Variants in PTK2B observed in about 807,000 individuals in gnomAD.
PTK2B encodes the protein protein-tyrosine kinase 2-beta.
PTK2B carries 71 observed loss-of-function variants against 142.9 expected under a neutral mutation model. The ratio of observed to expected loss-of-function variants is 0.50; its 90% confidence interval spans 0.41 to 0.61. The LOEUF is 0.61. Ranked by LOEUF, PTK2B falls within the 20% of genes least tolerant of loss-of-function variation. The pLI is 0.00. For synonymous variants in PTK2B, 519 were observed against 503.4 expected, an observed-to-expected ratio of 1.03 and a Z score of -0.42; for missense variants, 1,105 against 1,320.4, an observed-to-expected ratio of 0.84 and a Z score of 2.53.
chr8:27,336,715 G>A (rs1804086624), intron 1 of PTK2B, among the ~76,000 whole-genome samples: 1 of 152,200 alleles, frequency 6.6e-6, no homozygotes, highest in Admixed American at 6.5e-5. Context: ...TCTGACATCA[G>A]TGTCCTTCTT....
intron 27 of PTK2B, 184 bp downstream of exon 27, chr8:27,451,693 C>A (rs1195860047): frequency 4.1e-5 from 60 of 1,453,662 alleles, no homozygotes; most frequent in Non-Finnish European, 5.3e-5. Flanking sequence ...CACCCCATTC[C>A]TCTCCCTGCC....
intron 1 of PTK2B, among the ~76,000 whole-genome samples, chr8:27,386,005 T>C (rs1807330520): frequency 6.6e-6 from 1 of 152,132 alleles, no homozygotes; most frequent in Non-Finnish European, 1.5e-5. Context: ...CTAAAATATA[T>C]TTAACCAAAA....
intron 3 of PTK2B, among the ~76,000 whole-genome samples, chr8:27,315,020 C>T (rs1044682940): frequency 1.3e-5 from 2 of 152,216 alleles, no homozygotes; most frequent in African/African-American, 2.4e-5. Context: ...GCAAAGGAGA[C>T]GTTTTCCCTT....
upstream of PTK2B, chr8:27,311,412 G>A (rs961209824): frequency 1.3e-6 from 1 of 767,990 alleles, no homozygotes; most frequent in Non-Finnish European, 2.0e-6. Context: ...GGGAGGGGGC[G>A]CTCGGAGGAG....
intron 2 of PTK2B, among the ~76,000 whole-genome samples, chr8:27,417,312 T>C (rs1209871371): frequency 1.3e-5 from 2 of 152,184 alleles, no homozygotes; most frequent in Non-Finnish European, 2.9e-5. Flanking sequence ...GACATTATGC[T>C]GAGTGAAAAA....
At chr8:27,319,123 TATTTTGTTC>T (rs1486653766) in intron 3 of PTK2B, among the ~76,000 whole-genome samples, 1 of 152,342 alleles carries the variant, frequency 6.6e-6, no homozygotes, top group East Asian at 1.9e-4. Context: ...GGAAAGATCT[TATTTTGTTC>T]ATTTTTTTTA....
At position 27,454,018 on chromosome 8, in the gene PTK2B, G is replaced by A; in HGVS notation, c.2596-136G>A. On this transcript the variant is annotated intron_variant, in intron 28 of 30. Coordinates refer to ENST00000346049, the MANE Select transcript of PTK2B (RefSeq NM_173176.3). ...CAGAGGCAATGCACCCCGGGACAGG[G>A]CACAATTATTCTAAAGAAGAGTCCT... is the stretch of plus-strand genomic sequence containing the variant. 6 of 1,264,962 alleles carry A rather than the reference G, an allele frequency of 4.7e-6. No individual in the cohort carries two copies. The South Asian group carries it at 7.9e-5, about 17-fold the overall frequency. The allele number at this position is 1,264,962 out of a possible 1,614,324, so 78.4% of individuals were successfully genotyped here.
Position 27,437,381 on chromosome 8 carries a change from C to A in PTK2B, c.1427-15C>A. On this transcript the variant is annotated splice_polypyrimidine_tract_variant and intron_variant, in intron 16 of 30. Coordinates refer to ENST00000346049, the MANE Select transcript of PTK2B (RefSeq NM_173176.3). ...GAGCCGCTCCACCTGTCCCTCTTGC[C>A]CCACCACACTGCAGTGATCATGAAG... is the stretch of plus-strand genomic sequence containing the variant. 1 of 1,604,236 alleles carries A rather than the reference C, an allele frequency of 6.2e-7. No individual in the cohort carries two copies. Among genetic ancestry groups the A allele is most frequent in the East Asian group, 2.2e-5 (1 of 44,742 alleles).
upstream of PTK2B, chr8:27,311,004 G>C: frequency 1.4e-5 from 23 of 1,611,304 alleles, no homozygotes; most frequent in Non-Finnish European, 2.0e-5. Context: ...TTCTCCACCA[G>C]GTTGTTGAGG....
intron 1 of PTK2B, among the ~76,000 whole-genome samples, chr8:27,372,863 T>C (rs183805115): frequency 3.3e-5 from 5 of 152,316 alleles, no homozygotes; most frequent in South Asian, 2.1e-4. Context: ...TATACTGTTT[T>C]GCAAATCTGC....
chr8:27,378,196 A>G (rs1278414991), intron 1 of PTK2B, among the ~76,000 whole-genome samples: 1 of 152,100 alleles, frequency 6.6e-6, no homozygotes, highest in African/African-American at 2.4e-5. Flanking sequence ...TCAACAACCA[A>G]GGTCTCTCCT....
At chr8:27,439,231 G>T in intron 19 of PTK2B, 78 bp from the exon 20 acceptor site, 2 of 1,564,132 alleles carry the variant, frequency 1.3e-6, no homozygotes, top group Admixed American at 1.7e-5. Context: ...CAGGCTAAGG[G>T]TCTTCAGAAA....
At chr8:27,342,221 C>A (rs182919829) in intron 1 of PTK2B, among the ~76,000 whole-genome samples, 1 of 152,186 alleles carries the variant, frequency 6.6e-6, no homozygotes, top group Admixed American at 6.5e-5. Flanking sequence ...TGAGACACTT[C>A]TGTGCCTGTC....
At chr8:27,454,030 TAAAGA>T in intron 28 of PTK2B, 119 bp from the exon 29 acceptor site, 1 of 1,359,860 alleles carries the variant, frequency 7.4e-7, no homozygotes, top group South Asian at 1.2e-5. Context: ...ACAATTATTC[TAAAGA>T]AGAGTCCTTT....
chr8:27,328,384 T>C (rs539259210), intron 1 of PTK2B, among the ~76,000 whole-genome samples: 1 of 152,284 alleles, frequency 6.6e-6, no homozygotes, highest in African/African-American at 2.4e-5. Context: ...AATGGGAGCA[T>C]TTGTAACAAC....
chr8:27,456,039 G>A (rs991327925), intron 30 of PTK2B, among the ~76,000 whole-genome samples: 3 of 152,200 alleles, frequency 2.0e-5, no homozygotes, highest in Non-Finnish European at 4.4e-5. Context: ...AACACATACA[G>A]GAGCCCTAGG....
rs909522056 is a variant in PTK2B at position 27,424,880 on chromosome 8, A to T, written c.551+2497A>T. Among the ~76,000 whole-genome samples, 6 of 152,208 alleles carry T rather than the reference A, an allele frequency of 3.9e-5. No individual in the cohort carries two copies. In the East Asian group the frequency reaches 1.2e-3, roughly 29 times the overall value. On this transcript the variant is annotated intron_variant, in intron 5 of 30. Coordinates refer to ENST00000346049, the MANE Select transcript of PTK2B (RefSeq NM_173176.3). ...TATACAACATCTCCAGGAAAAAAAA[A>T]AATTGTATCATTTCCTAGCTTAAAA...
chr8:27,327,157 G>C (rs1418731388), intron 1 of PTK2B, among the ~76,000 whole-genome samples: 1 of 152,180 alleles, frequency 6.6e-6, no homozygotes, highest in African/African-American at 2.4e-5. Flanking sequence ...GCAGCGGGCG[G>C]CATCCAGGAA....
At chr8:27,417,248 C>T (rs1432451905) in intron 2 of PTK2B, among the ~76,000 whole-genome samples, 2 of 152,070 alleles carry the variant, frequency 1.3e-5, no homozygotes, top group African/African-American at 4.8e-5. Context: ...AGAACATTAC[C>T]GATTGATAAG....
Sources: allele counts gnomAD v4.1 joint callset (sites outside exome capture counted in the v4.1 genomes callset), GRCh38; gene constraint gnomAD v4.1.1; transcripts MANE v1.5; gene names NCBI Gene and HGNC (gene_info 2026-07-23, HGNC 2026-07-21).